TNFAIP8L1: variants seen among roughly 807,000 people sequenced by gnomAD.
The protein encoded by TNFAIP8L1 is tumor necrosis factor alpha-induced protein 8-like protein 1.
For missense variants in TNFAIP8L1, 225 were observed against 266.1 expected, an observed-to-expected ratio of 0.85 and a Z score of 1.08; for synonymous variants, 127 against 125.6, an observed-to-expected ratio of 1.01 and a Z score of -0.08.
intron 1 of TNFAIP8L1, among the ~76,000 whole-genome samples, chr19:4,651,611 A>G (rs1431434319): frequency 6.6e-6 from 1 of 151,068 alleles, no homozygotes; most frequent in African/African-American, 2.4e-5. Flanking sequence ...TAATTTTTGT[A>G]TTTTTAGTAG....
At position 4,652,466 on chromosome 19, in the gene TNFAIP8L1, T is replaced by C. The variant is rs1264429633; in HGVS notation, c.*36T>C. The C allele has an allele frequency of 6.8e-7, 1 of 1,473,670 alleles. No individual in the cohort carries two copies. Among genetic ancestry groups the C allele is most frequent in the Non-Finnish European group, 9.0e-7 (1 of 1,109,290 alleles). The allele number at this position is 1,473,670 out of a possible 1,614,324, so 91.3% of individuals were successfully genotyped here. On this transcript the variant is annotated 3_prime_UTR_variant, in exon 2 of 2. Coordinates refer to ENST00000327473, the MANE Select transcript of TNFAIP8L1 (RefSeq NM_152362.3). ...CGCCCAACCGCGCCCCTCGCGCCTT[T>C]TGGGGCTCTCCTGCTGGGCGCGGGT...
Position 4,641,283 on chromosome 19 carries a change from C to A in TNFAIP8L1, c.-4+1654C>A, listed in dbSNP as rs2088258852. 6.6e-6 allele frequency: 1 copy of A among 152,134 alleles called. No homozygotes were observed. The highest frequency in any genetic ancestry group is 1.5e-5 in the Non-Finnish European group (1 of 68,056). The allele number at this position is 152,134 out of a possible 1,614,324, so 9.4% of individuals were successfully genotyped here. Reference sequence around the variant, plus strand: ...CAGTGTCCCTGTCTGTCCAATGGGGCCACGAAAGGGTGCCTTGAGGACAAA... The same window carrying A: ...CAGTGTCCCTGTCTGTCCAATGGGGACACGAAAGGGTGCCTTGAGGACAAA... On this transcript the variant is annotated intron_variant, in intron 1 of 1. Coordinates refer to ENST00000327473, the MANE Select transcript of TNFAIP8L1 (RefSeq NM_152362.3). This position sits in a 1 kb window ranked among gnomAD's most constrained non-coding sequence, Gnocchi z 4.6.
chr19:4,651,556 C>G (rs2088364511), intron 1 of TNFAIP8L1, among the ~76,000 whole-genome samples: 1 of 152,026 alleles, frequency 6.6e-6, no homozygotes, highest in Admixed American at 6.6e-5. Flanking sequence ...CCTGCCTCAG[C>G]CTCCCAAGTA....
rs532320919 is a variant in TNFAIP8L1, at chr19:4,652,528, A to G, written c.*98A>G. The G allele has an allele frequency of 2.1e-5, 26 of 1,242,242 alleles. No homozygotes were observed. The highest frequency in any genetic ancestry group is 1.6e-4 in the East Asian group (6 of 37,692). The allele number at this position is 1,242,242 out of a possible 1,614,324, so 77.0% of individuals were successfully genotyped here. A position where few individuals can be genotyped will look rare whatever the true frequency, so the allele number is the denominator to read the frequency against. Reference sequence around the variant, plus strand: ...GTTTTTTTCCACCTCTTTTCTCCCAATCGGACTCCGGCCAAACTCCCCTAG... The same window carrying G: ...GTTTTTTTCCACCTCTTTTCTCCCAGTCGGACTCCGGCCAAACTCCCCTAG... On this transcript the variant is annotated 3_prime_UTR_variant, in exon 2 of 2. Transcript: ENST00000327473.
intron 1 of TNFAIP8L1, among the ~76,000 whole-genome samples, chr19:4,650,836 G>C (rs901002021): frequency 6.6e-5 from 10 of 152,106 alleles, no homozygotes; most frequent in African/African-American, 2.4e-4. Context: ...ACCCTGTCGG[G>C]GGCCAGGTGT....
chr19:4,651,414 G>A (rs1024001468), intron 1 of TNFAIP8L1, among the ~76,000 whole-genome samples: 2 of 151,546 alleles, frequency 1.3e-5, no homozygotes, highest in African/African-American at 4.9e-5. Flanking sequence ...TCCTGGCCTC[G>A]CAATTCTCCT....
rs118101039 is a variant in TNFAIP8L1, at chr19:4,647,046, G to A, written c.-3-4821G>A. On this transcript the variant is annotated intron_variant, in intron 1 of 1. Coordinates refer to ENST00000327473, the MANE Select transcript of TNFAIP8L1 (RefSeq NM_152362.3). ...ACGCTGGAGCTTGTGTGTGAGCCTC[G>A]TTCCTTTTATGGCTAGAGAACATTC... Among the ~76,000 whole-genome samples, 755 of 152,302 alleles carry A rather than the reference G, an allele frequency of 5.0e-3. 9 individuals are homozygous for A. Among genetic ancestry groups the A allele is most frequent in the South Asian group, 0.018 (86 of 4,822 alleles).
chr19:4,652,639 C>T lies in TNFAIP8L1; in HGVS notation c.*209C>T, dbSNP rs142984070. 1.7e-4 allele frequency: 93 copies of T among 532,296 alleles called. No homozygotes were observed. The highest frequency in any genetic ancestry group is 1.7e-3 in the Admixed American group (45 of 25,964). 33.0% of individuals were successfully genotyped at this position (532,296 alleles called of 1,614,324 possible). A position where few individuals can be genotyped will look rare whatever the true frequency, so the allele number is the denominator to read the frequency against. On this transcript the variant is annotated 3_prime_UTR_variant, in exon 2 of 2. Transcript: ENST00000327473. ...ACACCAATGTCACCTCTCCTCCTGGCCCCCGCCCAATGGGGAGAGGAATTT... is the reference window on the plus strand; with the variant it reads ...ACACCAATGTCACCTCTCCTCCTGGTCCCCGCCCAATGGGGAGAGGAATTT...
At position 4,652,653 on chromosome 19, in the gene TNFAIP8L1, G is replaced by A. The variant is rs2088381554; in HGVS notation, c.*223G>A. 2.0e-6 allele frequency: 1 copy of A among 511,676 alleles called. No individual in the cohort carries two copies. The highest frequency in any genetic ancestry group is 3.9e-5 in the Admixed American group (1 of 25,608). The allele number at this position is 511,676 out of a possible 1,614,324, so 31.7% of individuals were successfully genotyped here. On this transcript the variant is annotated 3_prime_UTR_variant, in exon 2 of 2. Coordinates refer to ENST00000327473, the MANE Select transcript of TNFAIP8L1 (RefSeq NM_152362.3). ...TCTCCTCCTGGCCCCCGCCCAATGG[G>A]GAGAGGAATTTGGGGCCCTACTCTG... is the stretch of plus-strand genomic sequence containing the variant.
At chr19:4,640,630 G>C (rs1381928234) in intron 1 of TNFAIP8L1, 6 of 152,262 alleles carry the variant, frequency 3.9e-5, no homozygotes, top group Non-Finnish European at 7.3e-5. Context: ...GGGCTGCTGG[G>C]GGATCAGATG....
chr19:4,649,744 C>G (rs1272390724), intron 1 of TNFAIP8L1, among the ~76,000 whole-genome samples: 1 of 152,270 alleles, frequency 6.6e-6, no homozygotes, highest in African/African-American at 2.4e-5. Context: ...CCACGTGGCA[C>G]TGAGTCAACA....
rs1319970715 is a variant in TNFAIP8L1 at position 4,655,120 on chromosome 19, G to C, written c.*2690G>C. ...CCGTCTGAGCCTGCACTGACGCCTG[G>C]TGAAGCTGTGCAGGGGCCGCCCCTC... On this transcript the variant is annotated 3_prime_UTR_variant, in exon 2 of 2. Coordinates refer to ENST00000327473, the MANE Select transcript of TNFAIP8L1 (RefSeq NM_152362.3). The C allele has an allele frequency of 6.6e-6, 1 of 152,298 alleles. No individual in the cohort carries two copies. The highest frequency in any genetic ancestry group is 1.9e-4 in the East Asian group (1 of 5,192). The allele number at this position is 152,298 out of a possible 1,614,324, so 9.4% of individuals were successfully genotyped here. A position where few individuals can be genotyped will look rare whatever the true frequency, so the allele number is the denominator to read the frequency against.
At chr19:4,643,835 T>A (rs945079462) in intron 1 of TNFAIP8L1, among the ~76,000 whole-genome samples, 1 of 152,102 alleles carries the variant, frequency 6.6e-6, no homozygotes, top group African/African-American at 2.4e-5. Flanking sequence ...TTTGGGAGGC[T>A]GAGGCAGGAG....
chr19:4,654,508 A>G lies in TNFAIP8L1; in HGVS notation c.*2078A>G, dbSNP rs558147315. On this transcript the variant is annotated 3_prime_UTR_variant, in exon 2 of 2. Transcript: ENST00000327473. ...AGGTGTGCACGAGCACACCCGGCTA[A>G]TCTTTGTATTTTTTGTAGACAGAAG... 6.6e-6 allele frequency: 1 copy of G among 152,144 alleles called. No homozygotes were observed. The allele number at this position is 152,144 out of a possible 1,614,324, so 9.4% of individuals were successfully genotyped here. A position where few individuals can be genotyped will look rare whatever the true frequency, so the allele number is the denominator to read the frequency against.
At chr19:4,643,620 TC>T (rs1479048262) in intron 1 of TNFAIP8L1, among the ~76,000 whole-genome samples, 1 of 152,168 alleles carries the variant, frequency 6.6e-6, no homozygotes, top group African/African-American at 2.4e-5. Flanking sequence ...GCCAACAGAT[TC>T]CCCTCTCTCT....
intron 1 of TNFAIP8L1, among the ~76,000 whole-genome samples, chr19:4,642,867 A>T (rs2088274801): frequency 6.6e-6 from 1 of 151,750 alleles, no homozygotes; most frequent in Non-Finnish European, 1.5e-5. Context: ...GAAGGATGGA[A>T]CCTGACTCAG....
Position 4,652,290 on chromosome 19 carries a change from G to A in TNFAIP8L1, c.421G>A (p.Gly141Ser), listed in dbSNP as rs1171168517. 4 of 1,565,622 alleles carry A rather than the reference G, an allele frequency of 2.6e-6. No individual in the cohort carries two copies. Among genetic ancestry groups the A allele is most frequent in the East Asian group, 2.4e-5 (1 of 41,910 alleles). The change falls in exon 2 of 2, where the codon GGC (glycine) becomes AGC (serine). Residue 141 changes from glycine to serine, a missense_variant. By Grantham distance (56) the Gly-to-Ser change is moderately conservative. Transcript: ENST00000327473. ...VGPHLTAKSH[G>S]RINHVFGHLA... Reference sequence around the variant, plus strand: ...TCCCCACCTGACCGCCAAGTCCCACGGCCGCATCAACCACGTGTTCGGCCA... The same window carrying A: ...TCCCCACCTGACCGCCAAGTCCCACAGCCGCATCAACCACGTGTTCGGCCA...
chr19:4,642,996 C>T (rs937363424), intron 1 of TNFAIP8L1, among the ~76,000 whole-genome samples: 39 of 151,592 alleles, frequency 2.6e-4, no homozygotes, highest in African/African-American at 9.2e-4. Context: ...AAGTGGGTTG[C>T]GTTAGGCCAG....
intron 1 of TNFAIP8L1, among the ~76,000 whole-genome samples, chr19:4,647,779 T>C (rs2088326160): frequency 6.6e-6 from 1 of 151,896 alleles, no homozygotes; most frequent in African/African-American, 2.4e-5. Context: ...CGTGCCACCA[T>C]GCCTGGCTAA....
Sources: gnomAD v4.1 joint callset for allele counts (sites outside exome capture counted in the v4.1 genomes callset) on GRCh38, gnomAD v4.1.1 for gene constraint, Gnocchi (gnomAD v3.1) non-coding constraint, MANE v1.5 for transcripts, NCBI Gene and HGNC (gene_info 2026-07-23, HGNC 2026-07-21) for gene names.